ERAP1: variants seen among roughly 807,000 people sequenced by gnomAD.
ERAP1 encodes adipocyte-derived leucine aminopeptidase.
A neutral mutation model predicts 103.7 loss-of-function variants in ERAP1; 86 were observed. The ratio of observed to expected loss-of-function variants is 0.83; its 90% confidence interval spans 0.70 to 0.99. The LOEUF is 0.99. Among genes scored for constraint, ERAP1 ranks in the 50% least tolerant of loss-of-function variants. The pLI, the probability that ERAP1 is intolerant of heterozygous loss-of-function variation, is 0.00. For missense variants in ERAP1, 1,009 were observed against 1,128.4 expected (o/e 0.89, Z 1.52); for synonymous variants, 398 against 402.4 (o/e 0.99, Z 0.13).
chr5:96,801,854 C>CAAAAAAAAAA (rs59332218), intron 2 of ERAP1, among the ~76,000 whole-genome samples: 3 of 54,692 alleles, frequency 5.5e-5, no homozygotes, highest in African/African-American at 9.3e-5. Flanking sequence ...TCCGTCTCGA[C>CAAAAAAAAAA]AAAAAAAAAA....
At chr5:96,765,974 T>G in intron 19 of ERAP1, 2 of 825,738 alleles carry the variant, frequency 2.4e-6, no homozygotes, top group Non-Finnish European at 4.1e-6. Flanking sequence ...CAACAAATGC[T>G]GAATGCTGCA....
intron 13 of ERAP1, 134 bp downstream of exon 13, chr5:96,785,654 G>C: frequency 1.1e-6 from 1 of 906,736 alleles, no homozygotes; most frequent in Non-Finnish European, 1.7e-6. Flanking sequence ...ATCTTGGGTT[G>C]TTAGAAGAAC....
chr5:96,774,812 A>G lies in ERAP1; in HGVS notation c.*1584T>C. On this transcript the variant is annotated 3_prime_UTR_variant, in exon 19 of 19. Coordinates refer to ENST00000443439, the MANE Select transcript of ERAP1 (RefSeq NM_001040458.3). The stretch of plus-strand genomic sequence containing the variant: ...ATAAAAATTCCAATTCCACTTTTAT[A>G]CCTATTTATTTGTTGTAGTGAATGG... The G allele has an allele frequency of 1.0e-6, 1 of 984,622 alleles. No homozygotes were observed. Among genetic ancestry groups the G allele is most frequent in the Non-Finnish European group, 1.2e-6 (1 of 829,112 alleles). 61.0% of individuals were successfully genotyped at this position (984,622 alleles called of 1,614,324 possible).
chr5:96,930,419 GATAA>G, the ERAP1 span, among the ~76,000 whole-genome samples: 2 of 152,138 alleles, frequency 1.3e-5, no homozygotes, highest in Non-Finnish European at 2.9e-5. Flanking sequence ...TTTATCCTTT[GATAA>G]ATATTCATGA....
chr5:96,868,283 G>A, the ERAP1 span, among the ~76,000 whole-genome samples: 1 of 152,096 alleles, frequency 6.6e-6, no homozygotes, highest in Non-Finnish European at 1.5e-5. Flanking sequence ...CAGATTCAAG[G>A]GGAGGAAACA....
upstream of ERAP1, among the ~76,000 whole-genome samples, chr5:96,810,716 A>G (rs1286048764): frequency 6.6e-6 from 1 of 152,272 alleles, no homozygotes; most frequent in Non-Finnish European, 1.5e-5. Context: ...CCAATGAAAT[A>G]CATACCACTT....
the ERAP1 span, among the ~76,000 whole-genome samples, chr5:96,884,555 T>TTTTG: frequency 3.1e-3 from 476 of 151,262 alleles, 8 homozygotes; most frequent in African/African-American, 0.01. Context: ...TATACAAGTT[T>TTTTG]TTTGTTTGTT....
chr5:96,841,821 C>G, the ERAP1 span, among the ~76,000 whole-genome samples: 1 of 130,710 alleles, frequency 7.7e-6, no homozygotes, highest in African/African-American at 2.9e-5. Flanking sequence ...TTTTGTGGAA[C>G]AGGTGGTTTT....
chr5:96,765,074 A>ACCCTGTCTACTCCCCTGC, intron 19 of ERAP1: 2 of 630,464 alleles, frequency 3.2e-6, no homozygotes, highest in South Asian at 3.9e-5. Flanking sequence ...CTCTTCTCTG[A>ACCCTGTCTACTCCCCTGC]CCCTGTCTAC....
At chr5:96,765,665 C>G (rs900959442) in intron 19 of ERAP1, among the ~76,000 whole-genome samples, 1 of 152,066 alleles carries the variant, frequency 6.6e-6, no homozygotes, top group Non-Finnish European at 1.5e-5. Context: ...TAAATGTGAC[C>G]TCTCTAAATG....
At chr5:96,930,914 A>C in the ERAP1 span, among the ~76,000 whole-genome samples, 3 of 152,264 alleles carry the variant, frequency 2.0e-5, no homozygotes, top group Admixed American at 2.0e-4. Context: ...CCCCAAAAAG[A>C]ACTAGTCGTG....
At chr5:96,824,932 T>G in the ERAP1 span, among the ~76,000 whole-genome samples, 1 of 152,058 alleles carries the variant, frequency 6.6e-6, no homozygotes, top group Non-Finnish European at 1.5e-5. Context: ...TCCAGCTACT[T>G]GGGAGGCTGA....
rs145468356 is a variant in ERAP1, at chr5:96,763,205, C to A, written c.2842G>T (p.Gly948Ter). Residue 948 changes from glycine (G) to a stop codon, truncating the protein, a stop_gained, in exon 20 of 20, where the codon GGA (glycine) becomes TGA (stop). Transcript: ENST00000296754. LOFTEE classifies it high-confidence loss of function. Reference sequence around the variant, plus strand: ...TCTGAGATTCTGATGGATTTTCATCCTGTTGCGTCAGCTTCAGGATCATCT... The same window carrying A: ...TCTGAGATTCTGATGGATTTTCATCATGTTGCGTCAGCTTCAGGATCATCT... The A allele has an allele frequency of 2.6e-6, 2 of 780,628 alleles. No individual in the cohort carries two copies. The highest frequency in any genetic ancestry group is 3.4e-5 in the African/African-American group (2 of 59,098). The allele number at this position is 780,628 out of a possible 1,614,324, so 48.4% of individuals were successfully genotyped here. A position where few individuals can be genotyped will look rare whatever the true frequency, so the allele number is the denominator to read the frequency against.
chr5:96,845,753 A>C, the ERAP1 span, among the ~76,000 whole-genome samples: 1 of 152,200 alleles, frequency 6.6e-6, no homozygotes, highest in African/African-American at 2.4e-5. Flanking sequence ...CCTCAATAGA[A>C]AATGACAATT....
the ERAP1 span, among the ~76,000 whole-genome samples, chr5:96,864,112 GGGCAATAGTTGACTTCCT>G: frequency 6.6e-6 from 1 of 151,982 alleles, no homozygotes; most frequent in African/African-American, 2.4e-5. Context: ...CTTCAAGCAG[GGGCAATAGTTGACTTCCT>G]GGCAATACTT....
intron 16 of ERAP1, 43 bp from the exon 17 acceptor site, chr5:96,781,241 T>C: frequency 6.3e-7 from 1 of 1,588,072 alleles, no homozygotes; most frequent in Non-Finnish European, 8.6e-7. Flanking sequence ...GAATAGGTGA[T>C]GAAACAGTTA....
At chr5:96,888,646 A>G in the ERAP1 span, among the ~76,000 whole-genome samples, 14 of 152,214 alleles carry the variant, frequency 9.2e-5, no homozygotes, top group African/African-American at 3.1e-4. Flanking sequence ...AAGGCAAGAA[A>G]ATTTGAATCT....
chr5:96,928,435 AT>A, the ERAP1 span, among the ~76,000 whole-genome samples: 6 of 152,352 alleles, frequency 3.9e-5, no homozygotes, highest in Admixed American at 3.9e-4. Flanking sequence ...TAGTGTCCTT[AT>A]TAAAAGAGGA....
chr5:96,915,541 A>G, the ERAP1 span: 1 of 418,956 alleles, frequency 2.4e-6, no homozygotes, highest in Non-Finnish European at 4.2e-6. Context: ...GTACTGGATG[A>G]ATGTTATTAT....
Sources: allele counts gnomAD v4.1 joint callset (sites outside exome capture counted in the v4.1 genomes callset), GRCh38; gene constraint gnomAD v4.1.1; transcripts MANE v1.5; gene names NCBI Gene and HGNC (gene_info 2026-07-23, HGNC 2026-07-21).